The following SLC25A31 variants were observed in gnomAD, a reference collection of about 807,000 sequenced individuals.
SLC25A31 encodes the protein ADP/ATP translocase 4.
Under a neutral mutation model 36.2 loss-of-function variants are expected in SLC25A31, and 40 were observed. The observed-to-expected ratio is 1.10, with a 90% confidence interval of 0.86 to 1.44. The LOEUF (loss-of-function observed/expected upper bound fraction) is 1.44. Among genes scored for constraint, SLC25A31 ranks in the 40% most tolerant of loss-of-function variants. SLC25A31 has a pLI of 0.00. For synonymous variants in SLC25A31, 143 were observed against 149.7 expected (o/e 0.96, Z 0.32); for missense variants, 350 against 397.1 (o/e 0.88, Z 1.01).
intron 1 of SLC25A31, among the ~76,000 whole-genome samples, chr4:127,738,850 A>G (rs1365600669): frequency 6.6e-6 from 1 of 152,094 alleles, no homozygotes; most frequent in African/African-American, 2.4e-5. Context: ...ACCCTTTTTC[A>G]TTATGTGATG....
At chr4:127,759,236 A>G (rs1450230088) in intron 2 of SLC25A31, among the ~76,000 whole-genome samples, 6 of 145,626 alleles carry the variant, frequency 4.1e-5, no homozygotes, top group Non-Finnish European at 9.0e-5. Context: ...TGTGGCTACT[A>G]TAAATGGGAT....
chr4:127,751,914 A>G (rs1241025711), intron 2 of SLC25A31, among the ~76,000 whole-genome samples: 3 of 152,100 alleles, frequency 2.0e-5, no homozygotes, highest in Non-Finnish European at 4.4e-5. Context: ...AAAAGTCAGG[A>G]AACAACAGGT....
At chr4:127,739,240 C>G (rs1010306260) in intron 1 of SLC25A31, among the ~76,000 whole-genome samples, 1 of 152,064 alleles carries the variant, frequency 6.6e-6, no homozygotes, top group East Asian at 1.9e-4. Context: ...ATTTTTCTTT[C>G]ATTTCCATGT....
At chr4:127,759,795 T>C (rs1732094553) in intron 2 of SLC25A31, among the ~76,000 whole-genome samples, 1 of 152,152 alleles carries the variant, frequency 6.6e-6, no homozygotes, top group African/African-American at 2.4e-5. Context: ...ACACTTAAAA[T>C]AGTTAAAATG....
At chr4:127,733,812 A>G (rs189199855) in intron 1 of SLC25A31, among the ~76,000 whole-genome samples, 63 of 152,308 alleles carry the variant, frequency 4.1e-4, no homozygotes, top group Admixed American at 1.4e-3. Flanking sequence ...AGAAAGAGAT[A>G]TGAACACAGA....
At chr4:127,749,511 C>T (rs139994530) in intron 2 of SLC25A31, among the ~76,000 whole-genome samples, 364 of 152,026 alleles carry the variant, frequency 2.4e-3, no homozygotes, top group African/African-American at 8.2e-3. Flanking sequence ...TTTTGGAAGC[C>T]GAGCCAGGCG....
intron 2 of SLC25A31, among the ~76,000 whole-genome samples, chr4:127,758,553 T>C (rs1009858538): frequency 3.3e-5 from 5 of 152,316 alleles, no homozygotes; most frequent in African/African-American, 1.2e-4. Context: ...AAGGCCAATG[T>C]TTAGAATTTT....
chr4:127,749,233 GA>G (rs1180583188), intron 2 of SLC25A31, among the ~76,000 whole-genome samples: 2 of 151,792 alleles, frequency 1.3e-5, no homozygotes, highest in African/African-American at 2.4e-5. Context: ...GCCAATTAGA[GA>G]AAAAAATATA....
chr4:127,759,212 GTTT>G (rs769362194), intron 2 of SLC25A31, among the ~76,000 whole-genome samples: 2 of 136,632 alleles, frequency 1.5e-5, no homozygotes, highest in Non-Finnish European at 1.6e-5. Flanking sequence ...TATTCCTATG[GTTT>G]TTTTTTTTTT....
At chr4:127,759,112 G>A (rs1161148740) in intron 2 of SLC25A31, among the ~76,000 whole-genome samples, 1 of 151,522 alleles carries the variant, frequency 6.6e-6, no homozygotes, top group Non-Finnish European at 1.5e-5. Flanking sequence ...AGCATGGAAT[G>A]TTTCTCCATT....
intron 2 of SLC25A31, among the ~76,000 whole-genome samples, chr4:127,751,895 C>T (rs1731940547): frequency 6.6e-6 from 1 of 152,000 alleles, no homozygotes. Context: ...GTTAGAATGG[C>T]AATCATTAAA....
rs374935042 is a variant in SLC25A31, at chr4:127,760,397, T to C, written c.361-3846T>C. 1.2e-4 allele frequency among the ~76,000 whole-genome samples: 19 copies of C among 152,298 alleles called. No individual in the cohort carries two copies. The East Asian group carries it at 2.5e-3, about 20-fold the overall frequency. On this transcript the variant is annotated intron_variant, in intron 2 of 5. Coordinates refer to ENST00000281154, the MANE Select transcript of SLC25A31 (RefSeq NM_031291.4). The stretch of plus-strand genomic sequence containing the variant: ...GATAAGGAGAGTGGGACTCAGAGCT[T>C]AAAGCTTTTGCTCCACTAGTTTGTT...
chr4:127,762,143 A>T (rs1732152018), intron 2 of SLC25A31, among the ~76,000 whole-genome samples: 1 of 152,240 alleles, frequency 6.6e-6, no homozygotes, highest in African/African-American at 2.4e-5. Context: ...TCTGTGAAAT[A>T]AACAGAGGAA....
At chr4:127,736,049 C>A (rs1044005094) in intron 1 of SLC25A31, among the ~76,000 whole-genome samples, 4 of 150,686 alleles carry the variant, frequency 2.7e-5, no homozygotes, top group African/African-American at 9.7e-5. Context: ...GCTACCACGC[C>A]CGGCTAATTT....
intron 1 of SLC25A31, among the ~76,000 whole-genome samples, chr4:127,741,425 C>CATAAAG (rs1401483768): frequency 9.2e-5 from 14 of 152,110 alleles, no homozygotes; most frequent in Non-Finnish European, 1.6e-4. Flanking sequence ...GTTTTTATTA[C>CATAAAG]ATAAAGATAA....
intron 5 of SLC25A31, among the ~76,000 whole-genome samples, chr4:127,772,499 T>G (rs1732381870): frequency 6.6e-6 from 1 of 152,144 alleles, no homozygotes; most frequent in African/African-American, 2.4e-5. Flanking sequence ...AAGACCTAAC[T>G]GGACTTTTTT....
intron 1 of SLC25A31, among the ~76,000 whole-genome samples, chr4:127,741,283 A>G (rs1419239482): frequency 1.3e-5 from 2 of 152,248 alleles, no homozygotes. Flanking sequence ...GCAAGAGTGG[A>G]TCCCTTTGTC....
intron 2 of SLC25A31, among the ~76,000 whole-genome samples, chr4:127,749,073 C>G (rs961191863): frequency 2.0e-5 from 3 of 148,734 alleles, no homozygotes; most frequent in African/African-American, 7.4e-5. Context: ...AAATTGAAAC[C>G]ATTAAAAAAA....
chr4:127,741,505 C>T lies in SLC25A31; in HGVS notation c.233-3167C>T, dbSNP rs186747018. 2.0e-3 allele frequency among the ~76,000 whole-genome samples: 306 copies of T among 152,208 alleles called. 2 individuals are homozygous for T. The highest frequency in any genetic ancestry group is 6.8e-3 in the African/African-American group (283 of 41,540). On this transcript the variant is annotated intron_variant, in intron 1 of 5. Transcript: ENST00000281154. Reference sequence around the variant, plus strand: ...ATTTTTGTCCTTCATTCTGTTAATGCGGTATATGACATTTACCCATTTGTG... The same window carrying T: ...ATTTTTGTCCTTCATTCTGTTAATGTGGTATATGACATTTACCCATTTGTG...
Sources: gnomAD v4.1 joint callset for allele counts (sites outside exome capture counted in the v4.1 genomes callset) on GRCh38, gnomAD v4.1.1 for gene constraint, MANE v1.5 for transcripts, NCBI Gene and HGNC (gene_info 2026-07-23, HGNC 2026-07-21) for gene names.